PLD5: variants seen among roughly 807,000 people sequenced by gnomAD.
The protein encoded by PLD5 is phospholipase D family member 5.
In PLD5, 36 loss-of-function variants were observed where a neutral mutation model predicts 61.1. That is an observed-to-expected ratio of 0.59 (90% confidence interval 0.45 to 0.78). The LOEUF (loss-of-function observed/expected upper bound fraction) is 0.78. Ranked by LOEUF, PLD5 falls within the 30% of genes least tolerant of loss-of-function variation. PLD5 has a pLI of 0.00. For synonymous variants in PLD5, 243 were observed against 242.8 expected (o/e 1.00, Z -0.01); for missense variants, 515 against 644.4 (o/e 0.80, Z 2.17).
intron 5 of PLD5, among the ~76,000 whole-genome samples, chr1:242,139,101 C>T (rs1550124): frequency 0.12 from 18,880 of 152,134 alleles, 1,658 homozygotes; most frequent in East Asian, 0.42. Flanking sequence ...GACAACACTG[C>T]AAGGGTTTTC....
chr1:242,464,652 C>A (rs1384481245), intron 1 of PLD5, among the ~76,000 whole-genome samples: 4 of 152,194 alleles, frequency 2.6e-5, no homozygotes, highest in Non-Finnish European at 5.9e-5. Context: ...GCAATTCCAA[C>A]TCTAGGTATA....
intron 1 of PLD5, among the ~76,000 whole-genome samples, chr1:242,433,771 C>T (rs1176985912): frequency 3.9e-5 from 6 of 152,080 alleles, no homozygotes; most frequent in South Asian, 4.2e-4. Context: ...TATGTGAGGA[C>T]GTTTCAGTAG....
intron 1 of PLD5, among the ~76,000 whole-genome samples, chr1:242,398,078 G>C (rs1016066401): frequency 6.6e-6 from 1 of 152,126 alleles, no homozygotes; most frequent in Non-Finnish European, 1.5e-5. Flanking sequence ...AGAAAGCAAA[G>C]ATAGATTAAA....
At chr1:242,380,599 A>G (rs1017464360) in intron 1 of PLD5, among the ~76,000 whole-genome samples, 1 of 152,062 alleles carries the variant, frequency 6.6e-6, no homozygotes, top group Non-Finnish European at 1.5e-5. Context: ...ATTAATAACC[A>G]TGAGTTCCAG....
At chr1:242,199,412 G>A (rs11577444) in intron 5 of PLD5, among the ~76,000 whole-genome samples, 17,295 of 151,830 alleles carry the variant, frequency 0.11, 1,158 homozygotes, top group South Asian at 0.25. Context: ...CCGCCACCAC[G>A]CCCAGCTAAT....
intron 1 of PLD5, among the ~76,000 whole-genome samples, chr1:242,451,418 C>T (rs1200437488): frequency 2.0e-5 from 3 of 150,566 alleles, no homozygotes; most frequent in Non-Finnish European, 4.4e-5. Flanking sequence ...GGTATCTTAC[C>T]ATCTAGCCAG....
In PLD5 at chr1:242,345,621, T is replaced by C. The variant is rs564206197; in HGVS notation, c.326+2485A>G. The stretch of plus-strand genomic sequence containing the variant: ...CCTGGAGTACCCTCTGTTGGCAGAA[T>C]ATGACTTTCAGAAGGATTCTGTCAA... On this transcript the variant is annotated intron_variant, in intron 2 of 9. Transcript: ENST00000536534. 1.9e-5 allele frequency: 23 copies of C among 1,199,006 alleles called. No individual in the cohort carries two copies. The East Asian group carries it at 5.4e-4, about 28-fold the overall frequency. 74.3% of individuals were successfully genotyped at this position (1,199,006 alleles called of 1,614,324 possible). A position where few individuals can be genotyped will look rare whatever the true frequency, so the allele number is the denominator to read the frequency against.
intron 4 of PLD5, among the ~76,000 whole-genome samples, chr1:242,234,787 A>T (rs1388545601): frequency 6.6e-6 from 1 of 151,856 alleles, no homozygotes; most frequent in African/African-American, 2.4e-5. Flanking sequence ...CAATAAGCCT[A>T]ACTGGGGATG....
rs1024146405 is a variant in PLD5, at chr1:242,244,073, C to A, written c.607+21264G>T. ...TCATAACAAATTCAGAATAAATATG[C>A]CTTCCATTTAATGACATATATGCAC... On this transcript the variant is annotated intron_variant, in intron 4 of 9. Transcript: ENST00000536534. Among the ~76,000 whole-genome samples the A allele has an allele frequency of 7.2e-5, 11 of 152,110 alleles. 1 individual carries two copies. Among genetic ancestry groups the A allele is most frequent in the African/African-American group, 2.7e-4 (11 of 41,420 alleles).
chr1:242,478,342 G>C (rs888060312), intron 1 of PLD5, among the ~76,000 whole-genome samples: 1 of 152,094 alleles, frequency 6.6e-6, no homozygotes, highest in Non-Finnish European at 1.5e-5. Flanking sequence ...CAGCACTGGA[G>C]CCTAGAAATT....
intron 1 of PLD5, among the ~76,000 whole-genome samples, chr1:242,451,852 G>A (rs1666791662): frequency 6.6e-6 from 1 of 152,060 alleles, no homozygotes; most frequent in African/African-American, 2.4e-5. Flanking sequence ...CCTCCTTAAA[G>A]TTTCCTCTCC....
intron 5 of PLD5, among the ~76,000 whole-genome samples, chr1:242,175,665 G>C (rs533464107): frequency 6.6e-6 from 1 of 152,204 alleles, no homozygotes; most frequent in East Asian, 1.9e-4. Context: ...AATTGTCTCT[G>C]TTTGCAGATG....
intron 2 of PLD5, among the ~76,000 whole-genome samples, chr1:242,304,201 G>A (rs1003597360): frequency 6.6e-6 from 1 of 152,158 alleles, no homozygotes; most frequent in Non-Finnish European, 1.5e-5. Flanking sequence ...ACCAAAAAAT[G>A]ATGTTCAAAA....
chr1:242,395,101 G>GTATATA (rs1407613374), intron 1 of PLD5, among the ~76,000 whole-genome samples: 1 of 144,682 alleles, frequency 6.9e-6, no homozygotes, highest in African/African-American at 2.5e-5. Context: ...GAATATATAT[G>GTATATA]TATGTATATG....
At chr1:242,441,690 C>T (rs921558274) in intron 1 of PLD5, among the ~76,000 whole-genome samples, 2 of 152,008 alleles carry the variant, frequency 1.3e-5, no homozygotes, top group African/African-American at 4.8e-5. Context: ...AGGAGTCAGA[C>T]AGACACCCCT....
intron 1 of PLD5, among the ~76,000 whole-genome samples, chr1:242,373,807 G>T (rs1051611739): frequency 1.3e-5 from 2 of 152,018 alleles, no homozygotes; most frequent in Non-Finnish European, 2.9e-5. Flanking sequence ...TTGTGCAGTG[G>T]GGGGAGGTGA....
At chr1:242,494,593 G>A (rs9919289) in intron 1 of PLD5, among the ~76,000 whole-genome samples, 25 of 151,964 alleles carry the variant, frequency 1.6e-4, no homozygotes, top group African/African-American at 4.8e-4. Context: ...GAGCAGAACC[G>A]GCTGGTGTTT....
intron 7 of PLD5, among the ~76,000 whole-genome samples, chr1:242,113,563 T>C (rs1241462643): frequency 1.3e-5 from 2 of 152,244 alleles, no homozygotes; most frequent in Admixed American, 6.5e-5. Context: ...ATAATTTTTT[T>C]CATATAATAT....
intron 1 of PLD5, among the ~76,000 whole-genome samples, chr1:242,512,429 A>AAC (rs2103002757): frequency 6.6e-6 from 1 of 151,578 alleles, no homozygotes; most frequent in Non-Finnish European, 1.5e-5. Flanking sequence ...AAAAAAAAAA[A>AAC]AAAATAGTAT....
Sources: allele counts gnomAD v4.1 joint callset (sites outside exome capture counted in the v4.1 genomes callset), GRCh38; gene constraint gnomAD v4.1.1; transcripts MANE v1.5; gene names NCBI Gene and HGNC (gene_info 2026-07-23, HGNC 2026-07-21).